NCAM2: variants seen among roughly 807,000 people sequenced by gnomAD.
The protein encoded by NCAM2 is N-CAM-2.
Under a neutral mutation model 98.1 loss-of-function variants are expected in NCAM2, and 30 were observed. The observed-to-expected ratio is 0.31, with a 90% confidence interval of 0.23 to 0.41. The LOEUF is 0.41. Among genes scored for constraint, NCAM2 ranks in the 10% least tolerant of loss-of-function variants. The probability of loss-of-function intolerance (pLI) is 1.00; values close to 1 mark genes in which losing one functional copy is unlikely to be tolerated. For missense variants in NCAM2, 867 were observed against 1,005.8 expected, an observed-to-expected ratio of 0.86 and a Z score of 1.87; for synonymous variants, 368 against 342.4, an observed-to-expected ratio of 1.07 and a Z score of -0.83.
chr21:21,095,663 C>T (rs911231166), intron 1 of NCAM2, among the ~76,000 whole-genome samples: 1 of 151,260 alleles, frequency 6.6e-6, no homozygotes, highest in Non-Finnish European at 1.5e-5. Context: ...ATATTGAATA[C>T]CTCAGAAAAA....
intron 1 of NCAM2, among the ~76,000 whole-genome samples, chr21:21,158,426 C>T (rs1245545560): frequency 6.6e-6 from 1 of 151,994 alleles, no homozygotes; most frequent in African/African-American, 2.4e-5. Context: ...TCCTGGCCAG[C>T]ATGGTGAAAT....
At chr21:21,349,960 T>C (rs1324139716) in intron 8 of NCAM2, among the ~76,000 whole-genome samples, 1 of 152,088 alleles carries the variant, frequency 6.6e-6, no homozygotes, top group Non-Finnish European at 1.5e-5. Context: ...GGATGGTTAA[T>C]TGGTAAAAGA....
chr21:21,120,675 C>T (rs1350158826), intron 1 of NCAM2, among the ~76,000 whole-genome samples: 2 of 149,980 alleles, frequency 1.3e-5, no homozygotes, highest in African/African-American at 2.4e-5. Context: ...TTTTTAAAGG[C>T]AATTAAAGTT....
intron 1 of NCAM2, among the ~76,000 whole-genome samples, chr21:21,219,386 T>A (rs1393925923): frequency 6.6e-6 from 1 of 152,158 alleles, no homozygotes; most frequent in Admixed American, 6.5e-5. Flanking sequence ...TTTAAAACAT[T>A]TACAGTCACA....
intron 1 of NCAM2, among the ~76,000 whole-genome samples, chr21:21,197,134 C>T (rs750136295): frequency 3.8e-4 from 58 of 152,056 alleles, no homozygotes; most frequent in South Asian, 6.2e-4. Flanking sequence ...ATTTTTGTTT[C>T]GTTTTTGTTT....
chr21:21,175,231 A>G (rs1287385153), intron 1 of NCAM2, among the ~76,000 whole-genome samples: 2 of 151,986 alleles, frequency 1.3e-5, no homozygotes, highest in Non-Finnish European at 2.9e-5. Context: ...TGATGATGGT[A>G]GACTTGAAAA....
At chr21:21,277,218 C>T (rs148348788) in intron 1 of NCAM2, among the ~76,000 whole-genome samples, 1,542 of 152,106 alleles carry the variant, frequency 0.01, 10 homozygotes, top group Non-Finnish European at 0.017. Context: ...ATAAGCTCTT[C>T]GTAAGTGTCA....
chr21:21,165,018 T>G (rs535734942), intron 1 of NCAM2, among the ~76,000 whole-genome samples: 1 of 152,306 alleles, frequency 6.6e-6, no homozygotes, highest in East Asian at 1.9e-4. Context: ...ACAGCCTTGT[T>G]TGAGTTTTGT....
intron 6 of NCAM2, among the ~76,000 whole-genome samples, chr21:21,327,590 CTG>C (rs1465232019): frequency 6.6e-6 from 1 of 152,128 alleles, no homozygotes; most frequent in East Asian, 1.9e-4. Flanking sequence ...TAGAGATTAA[CTG>C]TGAATGGGTA....
chr21:21,040,883 G>A (rs887975744), intron 1 of NCAM2, among the ~76,000 whole-genome samples: 1 of 152,076 alleles, frequency 6.6e-6, no homozygotes, highest in Non-Finnish European at 1.5e-5. Flanking sequence ...TAGTTAACAA[G>A]AATTTATTGT....
At chr21:21,155,669 G>T (rs949774507) in intron 1 of NCAM2, among the ~76,000 whole-genome samples, 1 of 151,770 alleles carries the variant, frequency 6.6e-6, no homozygotes, top group South Asian at 2.1e-4. Flanking sequence ...AATTGATAAT[G>T]TAATAGAAAC....
chr21:21,039,445 A>G (rs4818596), intron 1 of NCAM2, among the ~76,000 whole-genome samples: 143,208 of 152,216 alleles, frequency 0.94, 67,985 homozygotes, highest in East Asian at 1. Context: ...AAGAAAGAAC[A>G]TGAAATGTTC....
intron 1 of NCAM2, among the ~76,000 whole-genome samples, chr21:21,020,121 C>G (rs1184286487): frequency 6.6e-6 from 1 of 152,068 alleles, no homozygotes; most frequent in Admixed American, 6.6e-5. Context: ...ACTGCTACCT[C>G]TGCCTCCGGG....
chr21:21,041,286 G>T (rs371269244), intron 1 of NCAM2, among the ~76,000 whole-genome samples: 2 of 152,058 alleles, frequency 1.3e-5, no homozygotes. Context: ...TCTTTTGGAC[G>T]GTGTTGACAA....
At chr21:21,112,985 C>G (rs1032821703) in intron 1 of NCAM2, among the ~76,000 whole-genome samples, 1 of 152,050 alleles carries the variant, frequency 6.6e-6, no homozygotes, top group African/African-American at 2.4e-5. Context: ...GAACAGCATT[C>G]TTTTTTCACA....
intron 8 of NCAM2, among the ~76,000 whole-genome samples, chr21:21,373,285 T>C (rs2826817): frequency 0.23 from 35,338 of 151,792 alleles, 4,393 homozygotes; most frequent in South Asian, 0.28. Context: ...TAAAAGCAAC[T>C]TATTCCAAGA....
chr21:21,516,448 G>A (rs1988718488), intron 16 of NCAM2, among the ~76,000 whole-genome samples: 1 of 151,822 alleles, frequency 6.6e-6, no homozygotes, highest in Non-Finnish European at 1.5e-5. Context: ...TATGCCAACT[G>A]AGATTTATTT....
At chr21:21,293,099 T>G (rs2073354245) in intron 5 of NCAM2, among the ~76,000 whole-genome samples, 1 of 151,876 alleles carries the variant, frequency 6.6e-6, no homozygotes, top group East Asian at 1.9e-4. Flanking sequence ...GTTCCTTCCC[T>G]GGGATACCTG....
intron 1 of NCAM2, among the ~76,000 whole-genome samples, chr21:21,212,949 C>G (rs1293360862): frequency 6.6e-6 from 1 of 151,812 alleles, no homozygotes; most frequent in Non-Finnish European, 1.5e-5. Flanking sequence ...TCCATGTTAG[C>G]CAGGATGGTC....
Sources: allele counts gnomAD v4.1 joint callset (sites outside exome capture counted in the v4.1 genomes callset), GRCh38; gene constraint gnomAD v4.1.1; transcripts MANE v1.5; gene names NCBI Gene and HGNC (gene_info 2026-07-23, HGNC 2026-07-21).